Variants in PHC3 observed in about 807,000 individuals in gnomAD.
PHC3 encodes polyhomeotic homolog 3.
PHC3 carries 13 observed loss-of-function variants against 107.4 expected under a neutral mutation model. The ratio of observed to expected loss-of-function variants is 0.12; its 90% CI spans 0.08 to 0.19. The LOEUF (loss-of-function observed/expected upper bound fraction) is 0.19, where lower values mean the gene tolerates loss of function less well. Ranked by LOEUF, PHC3 falls within the 10% of genes least tolerant of loss-of-function variation. The pLI, the probability that PHC3 is intolerant of heterozygous loss-of-function variation, is 1.00. For missense variants in PHC3, 992 were observed against 1,210.9 expected, an observed-to-expected ratio of 0.82 and a Z score of 2.68; for synonymous variants, 456 against 427.4, an observed-to-expected ratio of 1.07 and a Z score of -0.83.
intron 10 of PHC3, 34 bp from the exon 11 acceptor site, chr3:170,113,553 T>C (rs1402392372): frequency 6.4e-7 from 1 of 1,563,180 alleles, no homozygotes; most frequent in African/African-American, 1.4e-5. Context: ...AATGAAACAA[T>C]CTCCAAAAAG....
chr3:170,103,536 T>G (rs1715884907), intron 12 of PHC3, among the ~76,000 whole-genome samples: 2 of 152,244 alleles, frequency 1.3e-5, no homozygotes, highest in South Asian at 4.1e-4. Flanking sequence ...GATTTTCTTT[T>G]ATCACAATAG....
At chr3:170,151,847 C>T (rs1266101599) in intron 4 of PHC3, among the ~76,000 whole-genome samples, 2 of 152,100 alleles carry the variant, frequency 1.3e-5, no homozygotes, top group African/African-American at 4.8e-5. Context: ...TAACCCAGCC[C>T]AAGACATTAA....
intron 11 of PHC3, among the ~76,000 whole-genome samples, chr3:170,111,309 G>C (rs57393203): frequency 0.13 from 12,750 of 97,750 alleles, 941 homozygotes; most frequent in East Asian, 0.34. Context: ...AAGGAAGGAA[G>C]GAAGGAAGGA....
At chr3:170,157,363 A>G (rs1727054841) in intron 4 of PHC3, among the ~76,000 whole-genome samples, 1 of 152,252 alleles carries the variant, frequency 6.6e-6, no homozygotes, top group Non-Finnish European at 1.5e-5. Flanking sequence ...GAACCAACTA[A>G]GAAGACAGAC....
intron 4 of PHC3, among the ~76,000 whole-genome samples, chr3:170,161,038 T>G (rs895852404): frequency 2.0e-5 from 3 of 152,242 alleles, no homozygotes; most frequent in Non-Finnish European, 4.4e-5. Flanking sequence ...TCATTACATA[T>G]TCTAGTTGAT....
intron 4 of PHC3, among the ~76,000 whole-genome samples, chr3:170,151,811 A>C (rs1471537793): frequency 6.6e-6 from 1 of 152,172 alleles, no homozygotes; most frequent in South Asian, 2.1e-4. Context: ...TATAGAATCC[A>C]CATCCACACT....
intron 11 of PHC3, among the ~76,000 whole-genome samples, chr3:170,111,579 G>A (rs1717785838): frequency 6.6e-6 from 1 of 152,074 alleles, no homozygotes; most frequent in Non-Finnish European, 1.5e-5. Context: ...TGGGTGACTG[G>A]GGATTTATTA....
At chr3:170,111,313 G>GAACGAAC (rs1560033331) in intron 11 of PHC3, among the ~76,000 whole-genome samples, 8,635 of 110,868 alleles carry the variant, frequency 0.078, 438 homozygotes, top group Middle Eastern at 0.11. Context: ...AAGGAAGGAA[G>GAACGAAC]GAAGGAACGA....
At position 170,091,610 on chromosome 3, in the gene PHC3, T is replaced by C. The variant is rs1425700638; in HGVS notation, c.*5620A>G. On this transcript the variant is annotated 3_prime_UTR_variant, in exon 15 of 15. Transcript: ENST00000495893. ...CCATAAACATGACACTTGGAAGGGGTGTGTGCATGTGTCTGAGTAGAAAAG... is the reference window on the plus strand; with the variant it reads ...CCATAAACATGACACTTGGAAGGGGCGTGTGCATGTGTCTGAGTAGAAAAG... 1 of 151,864 alleles carries C rather than the reference T, an allele frequency of 6.6e-6. No homozygotes were observed. The highest frequency in any genetic ancestry group is 1.5e-5 in the Non-Finnish European group (1 of 67,974). 9.4% of individuals were successfully genotyped at this position (151,864 alleles called of 1,614,324 possible). A position where few individuals can be genotyped will look rare whatever the true frequency, so the allele number is the denominator to read the frequency against.
Position 170,181,723 on chromosome 3 carries a change from C to T in PHC3, c.-8G>A, listed in dbSNP as rs1332468202. ...TCACTCCGCTTCCGCCATCTTCTCT[C>T]CTCCATCACTAACATGGGCTGCGCA... On this transcript the variant is annotated 5_prime_UTR_variant, in exon 1 of 15. Transcript: ENST00000495893. 2.5e-6 allele frequency: 4 copies of T among 1,612,906 alleles called. No individual in the cohort carries two copies. Among genetic ancestry groups the T allele is most frequent in the Admixed American group, 3.3e-5 (2 of 60,030 alleles).
chr3:170,115,459 A>G (rs58417766), intron 10 of PHC3, among the ~76,000 whole-genome samples: 16,876 of 152,242 alleles, frequency 0.11, 1,004 homozygotes, highest in Middle Eastern at 0.15. Flanking sequence ...ATATACCACA[A>G]TACATATGTA....
At chr3:170,151,620 A>G (rs1725994552) in intron 4 of PHC3, among the ~76,000 whole-genome samples, 1 of 152,232 alleles carries the variant, frequency 6.6e-6, no homozygotes, top group Non-Finnish European at 1.5e-5. Context: ...GCTACAAGTC[A>G]AATCCCTATT....
chr3:170,105,841 G>C (rs1168703651), intron 12 of PHC3, among the ~76,000 whole-genome samples: 2 of 152,188 alleles, frequency 1.3e-5, no homozygotes, highest in East Asian at 3.8e-4. Flanking sequence ...ACTGGAATTA[G>C]GGTGGGGTTC....
intron 4 of PHC3, chr3:170,170,627 T>C (rs1327787057): frequency 6.6e-6 from 1 of 151,998 alleles, no homozygotes; most frequent in Non-Finnish European, 1.5e-5. Flanking sequence ...AAGGAACATA[T>C]CTCAACTTAC....
intron 10 of PHC3, among the ~76,000 whole-genome samples, chr3:170,115,469 A>C (rs554999449): frequency 4.6e-5 from 7 of 152,320 alleles, no homozygotes; most frequent in African/African-American, 1.7e-4. Context: ...ATACATATGT[A>C]TACACATATA....
intron 4 of PHC3, among the ~76,000 whole-genome samples, chr3:170,150,351 C>T (rs1725698849): frequency 6.6e-6 from 1 of 151,870 alleles, no homozygotes; most frequent in Non-Finnish European, 1.5e-5. Context: ...ATATCAGCTA[C>T]AAAATTAAAT....
At chr3:170,177,037 G>A (rs1262349110) in intron 2 of PHC3, 5 of 335,784 alleles carry the variant, frequency 1.5e-5, no homozygotes, top group Non-Finnish European at 2.4e-5. Context: ...TGTTAACTAA[G>A]TAAACTTTAC....
chr3:170,106,433 ATGATAAAACAGC>A (rs1358343769), intron 12 of PHC3, among the ~76,000 whole-genome samples: 1 of 152,206 alleles, frequency 6.6e-6, no homozygotes, highest in Non-Finnish European at 1.5e-5. Flanking sequence ...TATTTCAATA[ATGATAAAACAGC>A]TGATAAAACA....
At chr3:170,126,948 A>G (rs1212262620) in intron 8 of PHC3, among the ~76,000 whole-genome samples, 1 of 151,974 alleles carries the variant, frequency 6.6e-6, no homozygotes, top group African/African-American at 2.4e-5. Flanking sequence ...TTATTTTTAA[A>G]TTGTATTTTT....
Sources: gnomAD v4.1 joint callset for allele counts (sites outside exome capture counted in the v4.1 genomes callset) on GRCh38, gnomAD v4.1.1 for gene constraint, MANE v1.5 for transcripts, NCBI Gene and HGNC (gene_info 2026-07-23, HGNC 2026-07-21) for gene names.